The following RAB7A variants were observed in gnomAD, a reference collection of about 807,000 sequenced individuals.
The protein encoded by RAB7A is RAB7A, member RAS oncogene family.
RAB7A carries 2 observed loss-of-function variants against 24.5 expected under a neutral mutation model. That is an observed-to-expected ratio of 0.08 (90% CI 0.03 to 0.26). The LOEUF (loss-of-function observed/expected upper bound fraction) is 0.26, where lower values mean the gene tolerates loss of function less well. Among genes scored for constraint, RAB7A ranks in the 10% least tolerant of loss-of-function variants. RAB7A has a pLI of 1.00. For missense variants in RAB7A, 118 were observed against 255.7 expected, an observed-to-expected ratio of 0.46 and a Z score of 3.67; for synonymous variants, 100 against 95.9, an observed-to-expected ratio of 1.04 and a Z score of -0.25.
intron 1 of RAB7A, among the ~76,000 whole-genome samples, chr3:128,727,413 A>G (rs2070391911): frequency 6.6e-6 from 1 of 152,204 alleles, no homozygotes; most frequent in Admixed American, 6.5e-5. Context: ...ATCTTTTGCT[A>G]CCTGGTATCT....
rs1933984811 is a variant in RAB7A, at chr3:128,813,983, T to A, written c.*561T>A. ...ATCTATCTGTTAATGCTTGTTACTT[T>A]TAACTAATCAGATCTTTTTACAGTA... On this transcript the variant is annotated 3_prime_UTR_variant, in exon 6 of 6. Transcript: ENST00000265062. 6.1e-6 allele frequency: 1 copy of A among 163,282 alleles called. No individual in the cohort carries two copies. The highest frequency in any genetic ancestry group is 2.4e-5 in the African/African-American group (1 of 41,632). 10.1% of individuals were successfully genotyped at this position (163,282 alleles called of 1,614,324 possible). A position where few individuals can be genotyped will look rare whatever the true frequency, so the allele number is the denominator to read the frequency against.
intron 1 of RAB7A, among the ~76,000 whole-genome samples, chr3:128,732,036 A>G (rs1211122926): frequency 1.4e-5 from 2 of 142,696 alleles, no homozygotes; most frequent in Non-Finnish European, 3.1e-5. Flanking sequence ...TTCTTCCACT[A>G]CCTTTTTTTT....
chr3:128,798,689 G>A (rs901103174), intron 3 of RAB7A, among the ~76,000 whole-genome samples: 7 of 151,286 alleles, frequency 4.6e-5, no homozygotes, highest in Non-Finnish European at 1.0e-4. Context: ...TTGTATACAT[G>A]TATTAACATC....
intron 1 of RAB7A, among the ~76,000 whole-genome samples, chr3:128,755,661 C>T (rs535112841): frequency 6.6e-6 from 1 of 152,298 alleles, no homozygotes; most frequent in South Asian, 2.1e-4. Context: ...GTACTCTTTC[C>T]ACCTTGGACG....
At chr3:128,806,344 C>G in intron 3 of RAB7A, 28 bp from the exon 4 acceptor site, 1 of 1,588,222 alleles carries the variant, frequency 6.3e-7, no homozygotes, top group Admixed American at 1.7e-5. Flanking sequence ...AGCATTCTCC[C>G]AAGGAATGAA....
At chr3:128,784,688 G>C (rs1933299027) in intron 1 of RAB7A, among the ~76,000 whole-genome samples, 1 of 152,096 alleles carries the variant, frequency 6.6e-6, no homozygotes, top group African/African-American at 2.4e-5. Flanking sequence ...AAAACTGTTT[G>C]TTCCCTTTTC....
At chr3:128,792,817 T>TTTTATTTATTTA (rs71618167) in intron 1 of RAB7A, among the ~76,000 whole-genome samples, 6 of 137,436 alleles carry the variant, frequency 4.4e-5, no homozygotes, top group African/African-American at 5.4e-5. Flanking sequence ...CCGAGCTAAT[T>TTTTATTTATTTA]TTTATTTATT....
At chr3:128,783,760 A>G (rs1160008644) in intron 1 of RAB7A, among the ~76,000 whole-genome samples, 2 of 152,068 alleles carry the variant, frequency 1.3e-5, no homozygotes. Flanking sequence ...GTCATTTAAC[A>G]TTTTCCAGCA....
chr3:128,813,548 A>T lies in RAB7A; in HGVS notation c.*126A>T. On this transcript the variant is annotated 3_prime_UTR_variant, in exon 6 of 6. Coordinates refer to ENST00000265062, the MANE Select transcript of RAB7A (RefSeq NM_004637.6). ...ATCTCTCACATCCAGCTGCCAAAAG[A>T]AAACCCCATCAAACACAGTTACACC... 1 of 872,594 alleles carries T rather than the reference A, an allele frequency of 1.1e-6. No individual in the cohort carries two copies. Among genetic ancestry groups the T allele is most frequent in the Middle Eastern group, 2.2e-4 (1 of 4,612 alleles). The allele number at this position is 872,594 out of a possible 1,614,324, so 54.1% of individuals were successfully genotyped here.
At chr3:128,795,751 C>CTTTTTTTTTGT (rs1933555895) in intron 2 of RAB7A, among the ~76,000 whole-genome samples, 1 of 43,032 alleles carries the variant, frequency 2.3e-5, no homozygotes, top group African/African-American at 6.3e-5. Flanking sequence ...AGCAGATGTG[C>CTTTTTTTTTGT]TTTTTTTTTT....
chr3:128,758,397 C>T (rs1039833780), intron 1 of RAB7A, among the ~76,000 whole-genome samples: 8 of 151,758 alleles, frequency 5.3e-5, no homozygotes, highest in Admixed American at 1.3e-4. Flanking sequence ...GTCAGACTCC[C>T]GAGTAGGTGG....
chr3:128,801,166 G>A (rs1022947112), intron 3 of RAB7A, among the ~76,000 whole-genome samples: 2 of 152,216 alleles, frequency 1.3e-5, no homozygotes, highest in Admixed American at 1.3e-4. Flanking sequence ...TCCTAGAGAT[G>A]TGTACAGCAT....
chr3:128,806,466 C>T lies in RAB7A; in HGVS notation c.275C>T (p.Ala92Val), dbSNP rs925560872. The stretch of plus-strand genomic sequence containing the variant: ...TGCGTTCTGGTATTTGATGTGACTG[C>T]CCCCAACACATTCAAAACCCTAGAT... ...DCCVLVFDVT[A>V]PNTFKTLDSW... is the part of the protein sequence containing the mutation. The change falls in exon 4 of 6, where the codon GCC becomes GTC. Residue 92 changes from alanine to valine, a missense_variant. By Grantham distance (64) the Ala-to-Val change is moderately conservative (BLOSUM62 0). This residue lies in a region of RAB7A where 52 missense variants were observed against 173.5 expected (regional missense o/e 0.30). Coordinates refer to ENST00000265062, the MANE Select transcript of RAB7A (RefSeq NM_004637.6). 6.2e-7 allele frequency: 1 copy of T among 1,613,990 alleles called. No individual in the cohort carries two copies. The highest frequency in any genetic ancestry group is 8.5e-7 in the Non-Finnish European group (1 of 1,179,946).
chr3:128,773,889 C>G (rs1298033100), intron 1 of RAB7A, among the ~76,000 whole-genome samples: 1 of 151,688 alleles, frequency 6.6e-6, no homozygotes, highest in Non-Finnish European at 1.5e-5. Context: ...GCAGCATGCT[C>G]CTTAAGAGTC....
At chr3:128,742,409 G>A (rs927318336) in intron 1 of RAB7A, among the ~76,000 whole-genome samples, 1 of 152,220 alleles carries the variant, frequency 6.6e-6, no homozygotes, top group South Asian at 2.1e-4. Flanking sequence ...ATGCTGGCTC[G>A]GGCAGCCTGC....
chr3:128,793,299 G>A (rs1049105577), intron 1 of RAB7A, among the ~76,000 whole-genome samples: 68 of 150,382 alleles, frequency 4.5e-4, no homozygotes, highest in African/African-American at 1.6e-3. Flanking sequence ...AGGATTACAG[G>A]TATGAGCCAC....
At chr3:128,753,683 C>G (rs1348403183) in intron 1 of RAB7A, among the ~76,000 whole-genome samples, 1 of 152,194 alleles carries the variant, frequency 6.6e-6, no homozygotes, top group Non-Finnish European at 1.5e-5. Context: ...TCCCTTGTTT[C>G]TGTGTCCTCA....
rs1215704406 is a variant in RAB7A at position 128,753,469 on chromosome 3, A to C, written c.-9+27110A>C. On this transcript the variant is annotated intron_variant, in intron 1 of 5. Coordinates refer to ENST00000265062, the MANE Select transcript of RAB7A (RefSeq NM_004637.6). ...GCGTGTGTGTGTTTAACCTCAATAA[A>C]AAATATTTTAAAAAATGAGGGTGGA... is the stretch of plus-strand genomic sequence containing the variant. Among the ~76,000 whole-genome samples, 4 of 152,332 alleles carry C rather than the reference A, an allele frequency of 2.6e-5. No individual in the cohort carries two copies. In the East Asian group the frequency reaches 7.7e-4, roughly 29 times the overall value.
At chr3:128,789,199 C>T (rs1485536023) in intron 1 of RAB7A, among the ~76,000 whole-genome samples, 1 of 152,174 alleles carries the variant, frequency 6.6e-6, no homozygotes, top group Admixed American at 6.5e-5. Flanking sequence ...CCTTGAAGGA[C>T]CAGGTCTCAG....
Sources: gnomAD v4.1 joint callset for allele counts (sites outside exome capture counted in the v4.1 genomes callset) on GRCh38, gnomAD v4.1.1 for gene constraint, gnomAD v4.1.1 regional missense constraint, MANE v1.5 for transcripts, NCBI Gene and HGNC (gene_info 2026-07-23, HGNC 2026-07-21) for gene names.